The following CTNNA2 variants were observed in gnomAD, a reference collection of about 807,000 sequenced individuals.
CTNNA2 encodes catenin alpha-2.
CTNNA2 carries 42 observed loss-of-function variants against 101.0 expected under a neutral mutation model. The ratio of observed to expected loss-of-function variants is 0.42; its 90% CI spans 0.32 to 0.54. CTNNA2 has a LOEUF of 0.54. Ranked by LOEUF, CTNNA2 falls within the 20% of genes least tolerant of loss-of-function variation. The pLI, the probability that CTNNA2 is intolerant of heterozygous loss-of-function variation, is 0.14. For synonymous variants in CTNNA2, 450 were observed against 456.4 expected, an observed-to-expected ratio of 0.99 and a Z score of 0.18; for missense variants, 871 against 1,223.1, an observed-to-expected ratio of 0.71 and a Z score of 4.29.
chr2:79,588,462 A>G (rs948776541), intron 1 of CTNNA2, among the ~76,000 whole-genome samples: 1 of 152,206 alleles, frequency 6.6e-6, no homozygotes, highest in Non-Finnish European at 1.5e-5. Context: ...TAGCATTGCT[A>G]TCTGTACTAG....
intron 4 of CTNNA2, among the ~76,000 whole-genome samples, chr2:79,386,968 C>A (rs1359336704): frequency 6.6e-6 from 1 of 152,132 alleles, no homozygotes; most frequent in Admixed American, 6.5e-5. Flanking sequence ...TGTGTGGATG[C>A]CACTTTGAGA....
intron 4 of CTNNA2, among the ~76,000 whole-genome samples, chr2:79,405,633 G>GT (rs1248556595): frequency 6.6e-6 from 1 of 151,870 alleles, no homozygotes; most frequent in Non-Finnish European, 1.5e-5. Flanking sequence ...GCTTGTTATT[G>GT]TTTTTTTCCC....
chr2:79,936,693 T>A (rs1687817777), intron 7 of CTNNA2, among the ~76,000 whole-genome samples: 1 of 152,170 alleles, frequency 6.6e-6, no homozygotes, highest in Admixed American at 6.5e-5. Flanking sequence ...CCATCTTGCC[T>A]CATTATATTA....
intron 5 of CTNNA2, among the ~76,000 whole-genome samples, 154 bp from the exon 6 acceptor site, chr2:79,873,922 A>G (rs1175683804): frequency 6.6e-6 from 1 of 152,106 alleles, no homozygotes; most frequent in Non-Finnish European, 1.5e-5. Flanking sequence ...AGACAAACAA[A>G]CAAAAGAGTA....
chr2:80,589,889 T>TGC (rs1352491148), intron 15 of CTNNA2, among the ~76,000 whole-genome samples: 2 of 147,230 alleles, frequency 1.4e-5, no homozygotes, highest in East Asian at 4.1e-4. Flanking sequence ...TGTGTGTGTG[T>TGC]GTGTGTGTGT....
chr2:80,302,719 G>C lies in CTNNA2; in HGVS notation c.1057-90492G>C. ...AGAGCAGGTGGCCGCTGGTGGGCTC[G>C]GCCCCATCCTCGCACAGGTGGAAGG... On this transcript the variant is annotated intron_variant, in intron 7 of 18. Transcript: ENST00000402739. This position sits in a 1 kb window ranked among gnomAD's most constrained non-coding sequence, Gnocchi z 6.4. 1.2e-6 allele frequency: 2 copies of C among 1,612,888 alleles called. No homozygotes were observed. The highest frequency in any genetic ancestry group is 1.1e-5 in the South Asian group (1 of 91,048).
intron 12 of CTNNA2, among the ~76,000 whole-genome samples, chr2:80,561,827 ATTTTTTT>A (rs368503035): frequency 1.6e-5 from 2 of 123,578 alleles, no homozygotes; most frequent in Admixed American, 1.7e-4. Context: ...CGCCTGGCTA[ATTTTTTT>A]TTTTTTTTTT....
At chr2:79,768,432 A>G (rs6709353) in intron 3 of CTNNA2, among the ~76,000 whole-genome samples, 67,043 of 150,802 alleles carry the variant, frequency 0.44, 17,787 homozygotes, top group East Asian at 0.75. Context: ...TCCTTTGAAG[A>G]TGTTTTCTCT....
intron 3 of CTNNA2, among the ~76,000 whole-genome samples, chr2:79,762,739 T>C (rs1209766134): frequency 6.6e-6 from 1 of 152,226 alleles, no homozygotes; most frequent in African/African-American, 2.4e-5. Context: ...TATTCTGCTC[T>C]TTCATGTTCA....
intron 2 of CTNNA2, among the ~76,000 whole-genome samples, chr2:79,214,972 A>G (rs1017383829): frequency 3.9e-5 from 6 of 151,946 alleles, no homozygotes; most frequent in African/African-American, 1.2e-4. Flanking sequence ...TAGCCTCCGT[A>G]TTGATTAAGA....
intron 1 of CTNNA2, among the ~76,000 whole-genome samples, chr2:79,610,285 T>C (rs534488586): frequency 3.3e-5 from 5 of 152,234 alleles, no homozygotes; most frequent in African/African-American, 4.8e-5. Flanking sequence ...ATGTGGAGAA[T>C]TGTTTCTCTT....
Position 79,776,576 on chromosome 2 carries a change from G to A in CTNNA2, c.298+31994G>A, listed in dbSNP as rs573891768. 1.4e-4 allele frequency among the ~76,000 whole-genome samples: 21 copies of A among 152,200 alleles called. 1 individual carries two copies. The highest frequency in any genetic ancestry group is 4.6e-4 in the African/African-American group (19 of 41,514). On this transcript the variant is annotated intron_variant, in intron 3 of 18. Coordinates refer to ENST00000402739, the MANE Select transcript of CTNNA2 (RefSeq NM_001282597.3). ...TGGGATAGAATTGCCAAATATATCC[G>A]CACATTCAAGCATTTAAATCCACTT... is the stretch of plus-strand genomic sequence containing the variant.
intron 2 of CTNNA2, among the ~76,000 whole-genome samples, chr2:79,226,966 G>C (rs139924120): frequency 8.0e-6 from 1 of 125,084 alleles, no homozygotes; most frequent in East Asian, 2.4e-4. Flanking sequence ...GGAGAGCTCT[G>C]AGGGACTCTG....
chr2:79,477,536 G>A (rs1049275979), intron 4 of CTNNA2, among the ~76,000 whole-genome samples: 1 of 152,276 alleles, frequency 6.6e-6, no homozygotes, highest in African/African-American at 2.4e-5. Context: ...TTGTGGTTGT[G>A]TGTGGATGTG....
In CTNNA2 at chr2:80,589,907, C is replaced by CTT. The variant is rs751937943; in HGVS notation, c.2189+422_2189+423insTT. Among the ~76,000 whole-genome samples, 600 of 120,846 alleles carry CTT rather than the reference C, an allele frequency of 5.0e-3. 2 individuals are homozygous for CTT. The highest frequency in any genetic ancestry group is 0.014 in the Middle Eastern group (3 of 216). The allele number at this position is 120,846 out of a possible 152,430, so 79.3% of individuals were successfully genotyped here. A position where few individuals can be genotyped will look rare whatever the true frequency, so the allele number is the denominator to read the frequency against. On this transcript the variant is annotated intron_variant, in intron 15 of 18. Coordinates refer to ENST00000402739, the MANE Select transcript of CTNNA2 (RefSeq NM_001282597.3). ...GTGTGTGTGTGTGTGTGTGTGTGTG[C>CTT]GCGCGCGCGCATGTATACATATAGT...
chr2:80,409,347 C>CT, intron 8 of CTNNA2, among the ~76,000 whole-genome samples: 1 of 151,956 alleles, frequency 6.6e-6, no homozygotes, highest in Non-Finnish European at 1.5e-5. Flanking sequence ...AAACATTAGA[C>CT]TTTTTTACAG....
chr2:79,638,955 G>A (rs1680265260), intron 1 of CTNNA2, among the ~76,000 whole-genome samples: 1 of 152,038 alleles, frequency 6.6e-6, no homozygotes, highest in African/African-American at 2.4e-5. Context: ...CCTTTTCATA[G>A]CCTCGGTTAA....
intron 7 of CTNNA2, among the ~76,000 whole-genome samples, chr2:80,045,363 T>A (rs1270660685): frequency 6.6e-6 from 1 of 152,198 alleles, no homozygotes; most frequent in Non-Finnish European, 1.5e-5. Flanking sequence ...ACTATCTTTT[T>A]AAATTTTAGT....
chr2:80,583,593 T>C (rs1261427035), intron 14 of CTNNA2, among the ~76,000 whole-genome samples: 2 of 152,174 alleles, frequency 1.3e-5, no homozygotes, highest in Admixed American at 6.5e-5. Flanking sequence ...TCAGTATACA[T>C]ACAGCCTAGT....
Sources: allele counts gnomAD v4.1 joint callset (sites outside exome capture counted in the v4.1 genomes callset), GRCh38; gene constraint gnomAD v4.1.1; non-coding constraint Gnocchi (gnomAD v3.1); transcripts MANE v1.5; gene names NCBI Gene and HGNC (gene_info 2026-07-23, HGNC 2026-07-21).